The following MCTP1 variants were observed in gnomAD, a reference collection of about 807,000 sequenced individuals.
MCTP1 encodes multiple C2 and transmembrane domain-containing protein 1.
Under a neutral mutation model 120.6 loss-of-function variants are expected in MCTP1, and 69 were observed. That is an observed-to-expected ratio of 0.57 (90% CI 0.47 to 0.70). MCTP1 has a LOEUF of 0.70. Ranked by LOEUF, MCTP1 falls within the 30% of genes least tolerant of loss-of-function variation. The pLI, the probability that MCTP1 is intolerant of heterozygous loss-of-function variation, is 0.00. For missense variants in MCTP1, 1,203 were observed against 1,248.8 expected (o/e 0.96, Z 0.55); for synonymous variants, 529 against 493.1 (o/e 1.07, Z -0.96).
At chr5:95,113,741 A>C (rs1757621516) in intron 1 of MCTP1, among the ~76,000 whole-genome samples, 1 of 152,182 alleles carries the variant, frequency 6.6e-6, no homozygotes, top group African/African-American at 2.4e-5. Context: ...ATTGAGTCCT[A>C]GTGCTGAATC....
intron 1 of MCTP1, among the ~76,000 whole-genome samples, chr5:95,045,777 G>A (rs1417132277): frequency 6.6e-6 from 1 of 152,134 alleles, no homozygotes; most frequent in African/African-American, 2.4e-5. Context: ...GACATTTAAA[G>A]TTCTCAAAAT....
At chr5:94,749,544 G>A (rs566664949) in intron 19 of MCTP1, among the ~76,000 whole-genome samples, 48 of 150,562 alleles carry the variant, frequency 3.2e-4, no homozygotes, top group African/African-American at 1.1e-3. Context: ...AATCCCAGCT[G>A]CTCAGGAGGC....
chr5:95,283,871 C>T lies in MCTP1; in HGVS notation c.705G>A (p.Glu235=). The T allele has an allele frequency of 7.3e-7, 1 of 1,377,772 alleles. No individual in the cohort carries two copies. The highest frequency in any genetic ancestry group is 9.3e-7 in the Non-Finnish European group (1 of 1,074,928). 85.3% of individuals were successfully genotyped at this position (1,377,772 alleles called of 1,614,324 possible). ...CGGCACTCACCTGGCTGCTGCCGTGCTCCTCGCCCGTCTCCGGGGCCCGAG... is the reference window on the plus strand; with the variant it reads ...CGGCACTCACCTGGCTGCTGCCGTGTTCCTCGCCCGTCTCCGGGGCCCGAG... ...AESRAPETGE[E]HGSSQKIINT... The change falls in exon 1 of 23, where the codon GAG becomes GAA. Residue 235 remains glutamate, a synonymous_variant. Coordinates refer to ENST00000515393, the MANE Select transcript of MCTP1 (RefSeq NM_024717.7).
intron 1 of MCTP1, among the ~76,000 whole-genome samples, chr5:95,139,027 C>A (rs1759690468): frequency 6.6e-6 from 1 of 152,038 alleles, no homozygotes; most frequent in South Asian, 2.1e-4. Context: ...TTTATATGTT[C>A]AAAATATTTA....
intron 18 of MCTP1, among the ~76,000 whole-genome samples, chr5:94,791,686 C>T (rs1028021058): frequency 2.0e-5 from 3 of 152,278 alleles, no homozygotes; most frequent in Admixed American, 1.3e-4. Flanking sequence ...AAGAAATATA[C>T]ATTTACATTT....
intron 19 of MCTP1, among the ~76,000 whole-genome samples, chr5:94,720,065 G>A (rs1449533257): frequency 6.6e-6 from 1 of 152,088 alleles, no homozygotes; most frequent in Non-Finnish European, 1.5e-5. Flanking sequence ...GGCAGAGGTT[G>A]CGGTGAGCTG....
At position 95,284,165 on chromosome 5, in the gene MCTP1, C is replaced by T. The variant is rs748910833; in HGVS notation, c.411G>A (p.Ala137=). Residue 137 remains alanine (A), a synonymous_variant, in exon 1 of 23, where the codon GCG becomes GCA. Transcript: ENST00000515393. This position sits in a 1 kb window ranked among gnomAD's most constrained non-coding sequence, Gnocchi z 5.2. ...EHLLPAVKGP[A]AASGAAGGTP... ...TCCCTCCCGCTGCTCCCGAGGCCGCCGCGGGCCCCTTTACGGCGGGGAGCA... is the reference window on the plus strand; with the variant it reads ...TCCCTCCCGCTGCTCCCGAGGCCGCTGCGGGCCCCTTTACGGCGGGGAGCA... The T allele has an allele frequency of 2.5e-5, 40 of 1,570,820 alleles. No homozygotes were observed. Among genetic ancestry groups the T allele is most frequent in the Middle Eastern group, 1.8e-4 (1 of 5,520 alleles).
intron 2 of MCTP1, among the ~76,000 whole-genome samples, chr5:95,014,262 A>ACAG: frequency 6.6e-6 from 1 of 151,710 alleles, no homozygotes; most frequent in South Asian, 2.1e-4. Flanking sequence ...TGTCTCTAAA[A>ACAG]CAACAACAAC....
chr5:94,763,769 G>A (rs1264102874), intron 19 of MCTP1, among the ~76,000 whole-genome samples: 1 of 152,098 alleles, frequency 6.6e-6, no homozygotes, highest in African/African-American at 2.4e-5. Context: ...TTTATCTGAG[G>A]TTGAGCTTTA....
chr5:95,132,126 AAG>A (rs1210039656), intron 1 of MCTP1, among the ~76,000 whole-genome samples: 1 of 152,220 alleles, frequency 6.6e-6, no homozygotes, highest in Non-Finnish European at 1.5e-5. Flanking sequence ...TGAAAGGATG[AAG>A]AGTTATGACA....
chr5:95,201,005 T>G (rs143892828), intron 1 of MCTP1, among the ~76,000 whole-genome samples: 1 of 152,240 alleles, frequency 6.6e-6, no homozygotes, highest in African/African-American at 2.4e-5. Flanking sequence ...AATGTAAGCA[T>G]GTAGAAGAAT....
intron 1 of MCTP1, among the ~76,000 whole-genome samples, chr5:95,063,253 T>A (rs987922608): frequency 6.6e-6 from 1 of 152,244 alleles, no homozygotes. Flanking sequence ...GGAATGTGAC[T>A]GTGCCGGGGA....
intron 1 of MCTP1, among the ~76,000 whole-genome samples, chr5:95,039,458 G>A (rs1841937463): frequency 6.6e-6 from 1 of 152,190 alleles, no homozygotes; most frequent in African/African-American, 2.4e-5. Flanking sequence ...AGTGGGGGAA[G>A]GGGGTTGTGG....
chr5:95,019,230 C>T (rs1229779853), intron 1 of MCTP1, among the ~76,000 whole-genome samples: 1 of 152,082 alleles, frequency 6.6e-6, no homozygotes, highest in South Asian at 2.1e-4. Context: ...TTACCACAAT[C>T]AAGTTAGTTA....
intron 16 of MCTP1, among the ~76,000 whole-genome samples, chr5:94,868,862 T>A (rs1237466717): frequency 6.6e-6 from 1 of 151,938 alleles, no homozygotes; most frequent in Non-Finnish European, 1.5e-5. Flanking sequence ...TTATTTAGGG[T>A]CTTATAGAAA....
At chr5:95,152,603 TC>T (rs1306812160) in intron 1 of MCTP1, among the ~76,000 whole-genome samples, 22 of 152,358 alleles carry the variant, frequency 1.4e-4, no homozygotes, top group African/African-American at 5.3e-4. Context: ...ACGAGGGTTA[TC>T]GTTAAATTTG....
intron 17 of MCTP1, among the ~76,000 whole-genome samples, chr5:94,846,015 G>A (rs577640594): frequency 2.6e-5 from 4 of 152,298 alleles, no homozygotes; most frequent in African/African-American, 9.6e-5. Context: ...TGCTGGTTAG[G>A]TTGTGGAGGA....
chr5:94,920,413 A>C (rs1811267400), intron 7 of MCTP1, among the ~76,000 whole-genome samples: 1 of 152,088 alleles, frequency 6.6e-6, no homozygotes, highest in Non-Finnish European at 1.5e-5. Flanking sequence ...TTAGCGTGTA[A>C]GTGCTTCAGC....
chr5:95,190,939 G>T (rs1338053363), intron 1 of MCTP1, among the ~76,000 whole-genome samples: 1 of 151,742 alleles, frequency 6.6e-6, no homozygotes, highest in Non-Finnish European at 1.5e-5. Flanking sequence ...CTATATATTT[G>T]GTTTGAAGCA....
Sources: allele counts gnomAD v4.1 joint callset (sites outside exome capture counted in the v4.1 genomes callset), GRCh38; gene constraint gnomAD v4.1.1; non-coding constraint Gnocchi (gnomAD v3.1); transcripts MANE v1.5; gene names NCBI Gene and HGNC (gene_info 2026-07-23, HGNC 2026-07-21).